Variants in CFAP54 observed in about 807,000 individuals in gnomAD.
CFAP54 encodes the protein cilia and flagella associated protein 54.
Under a neutral mutation model 370.4 loss-of-function variants are expected in CFAP54, and 290 were observed. That is an observed-to-expected ratio of 0.78 (90% CI 0.71 to 0.86). The LOEUF (loss-of-function observed/expected upper bound fraction) is 0.86, where lower values mean the gene tolerates loss of function less well. CFAP54 is among the 40% of genes least tolerant of loss of function. CFAP54 has a pLI of 0.00. For missense variants in CFAP54, 3,399 were observed against 3,528.7 expected (o/e 0.96, Z 0.93); for synonymous variants, 1,206 against 1,236.5 (o/e 0.98, Z 0.52).
At chr12:96,582,154 A>G (rs1956038630) in intron 22 of CFAP54, among the ~76,000 whole-genome samples, 1 of 152,172 alleles carries the variant, frequency 6.6e-6, no homozygotes, top group Non-Finnish European at 1.5e-5. Context: ...CAGAGGTATT[A>G]TGAGTATTAA....
intron 45 of CFAP54, among the ~76,000 whole-genome samples, chr12:96,697,579 T>A (rs1475787193): frequency 2.6e-5 from 4 of 152,212 alleles, no homozygotes; most frequent in Non-Finnish European, 5.9e-5. Context: ...ACCTTTTTAT[T>A]TCTTTAAAAT....
At chr12:96,521,253 T>G (rs1180337245) in intron 6 of CFAP54, among the ~76,000 whole-genome samples, 3 of 152,206 alleles carry the variant, frequency 2.0e-5, no homozygotes, top group African/African-American at 7.2e-5. Flanking sequence ...GTTATTGAGT[T>G]CTTAATAACT....
At chr12:96,625,584 G>T in intron 28 of CFAP54, 134 bp from the exon 29 acceptor site, 3 of 500,694 alleles carry the variant, frequency 6.0e-6, no homozygotes, top group Non-Finnish European at 6.9e-6. Context: ...CTATTTTAAG[G>T]CACATAATTT....
intron 39 of CFAP54, among the ~76,000 whole-genome samples, chr12:96,667,053 A>C (rs1262055063): frequency 6.6e-6 from 1 of 152,242 alleles, no homozygotes; most frequent in African/African-American, 2.4e-5. Context: ...ATTAAACCTT[A>C]AAGTTCCAAA....
intron 60 of CFAP54, among the ~76,000 whole-genome samples, chr12:96,768,941 T>C (rs1227240530): frequency 1.3e-5 from 2 of 152,142 alleles, no homozygotes; most frequent in Non-Finnish European, 2.9e-5. Flanking sequence ...GGACTAGTCA[T>C]GTGTGGAGAG....
intron 45 of CFAP54, among the ~76,000 whole-genome samples, chr12:96,696,573 TG>T (rs2136571671): frequency 6.6e-6 from 1 of 152,264 alleles, no homozygotes; most frequent in East Asian, 1.9e-4. Context: ...GACTCAATTC[TG>T]GAGAACTGGG....
intron 50 of CFAP54, among the ~76,000 whole-genome samples, chr12:96,723,185 A>G (rs1957779856): frequency 6.6e-6 from 1 of 152,256 alleles, no homozygotes; most frequent in East Asian, 1.9e-4. Flanking sequence ...CAATAAAAAT[A>G]CAATGATAAG....
intron 63 of CFAP54, among the ~76,000 whole-genome samples, chr12:96,807,575 A>C (rs1469580582): frequency 6.6e-6 from 1 of 152,188 alleles, no homozygotes; most frequent in Non-Finnish European, 1.5e-5. Context: ...AGAAGTGAGT[A>C]AGGGAGCATT....
intron 67 of CFAP54, among the ~76,000 whole-genome samples, chr12:96,872,008 C>T (rs1960182645): frequency 6.6e-6 from 1 of 151,692 alleles, no homozygotes; most frequent in African/African-American, 2.4e-5. Context: ...AGGAAAGAGT[C>T]CTTTGAAAAA....
chr12:96,695,960 C>T (rs1270365276), intron 45 of CFAP54, among the ~76,000 whole-genome samples: 1 of 152,158 alleles, frequency 6.6e-6, no homozygotes, highest in Non-Finnish European at 1.5e-5. Context: ...AATGTTGGTA[C>T]CTGCCACTCG....
chr12:96,569,259 T>G (rs1955889670), intron 19 of CFAP54, among the ~76,000 whole-genome samples: 1 of 152,188 alleles, frequency 6.6e-6, no homozygotes, highest in Non-Finnish European at 1.5e-5. Context: ...TTTTGAGAAT[T>G]TCTTTTTCCG....
At chr12:96,739,854 C>T (rs771309558) in intron 50 of CFAP54, 102 bp from the exon 51 acceptor site, 1 of 688,158 alleles carries the variant, frequency 1.5e-6, no homozygotes, top group Non-Finnish European at 2.4e-6. Context: ...GGGTTGTTGG[C>T]TGGGGTGTGA....
intron 19 of CFAP54, among the ~76,000 whole-genome samples, chr12:96,571,356 A>G (rs1390949426): frequency 1.3e-5 from 2 of 152,204 alleles, no homozygotes; most frequent in Non-Finnish European, 2.9e-5. Context: ...ACCACCATTG[A>G]AAGAACACCT....
chr12:96,833,488 A>G (rs1233269647), intron 66 of CFAP54, among the ~76,000 whole-genome samples: 2 of 147,762 alleles, frequency 1.4e-5, no homozygotes, highest in Admixed American at 1.4e-4. Context: ...AAATTTGCCT[A>G]ATCAATTACA....
In CFAP54 at chr12:96,704,756, T is replaced by G; in HGVS notation, c.6488T>G (p.Phe2163Cys). The G allele has an allele frequency of 1.6e-6, 2 of 1,229,762 alleles. No homozygotes were observed. Among genetic ancestry groups the G allele is most frequent in the East Asian group, 5.8e-5 (2 of 34,216 alleles). 76.2% of individuals were successfully genotyped at this position (1,229,762 alleles called of 1,614,324 possible). A position where few individuals can be genotyped will look rare whatever the true frequency, so the allele number is the denominator to read the frequency against. Residue 2163 changes from phenylalanine to cysteine, a missense_variant, in exon 47 of 68, where the codon TTT becomes TGT. Around this residue, in one of 3 missense-constraint regions of CFAP54, gnomAD observed 2,796 missense variants for 2,869.7 expected, o/e 0.97. Coordinates refer to ENST00000524981, the MANE Select transcript of CFAP54 (RefSeq NM_001306084.2). ...GTATTTTGACAGATCTTTCAATCAT[T>G]TGACTCAGGAAAACTTCTTACCAGT... ...ATGKMKIFQSFDSGKLLTSKE... is the reference protein window; with the variant it reads ...ATGKMKIFQSCDSGKLLTSKE...
At chr12:96,776,981 G>A (rs917884707) in intron 60 of CFAP54, among the ~76,000 whole-genome samples, 2 of 152,054 alleles carry the variant, frequency 1.3e-5, no homozygotes, top group Non-Finnish European at 2.9e-5. Flanking sequence ...ATTCTAAATC[G>A]TTACTTCAAA....
At chr12:96,826,571 T>C (rs1959108046) in intron 65 of CFAP54, among the ~76,000 whole-genome samples, 1 of 108,522 alleles carries the variant, frequency 9.2e-6, no homozygotes, top group African/African-American at 3.9e-5. Context: ...TAATATATAA[T>C]ATAGATTATA....
intron 65 of CFAP54, among the ~76,000 whole-genome samples, chr12:96,820,078 C>T (rs575104636): frequency 1.3e-5 from 2 of 152,248 alleles, no homozygotes; most frequent in South Asian, 4.1e-4. Context: ...ACAGAGAGAG[C>T]CCTTAGGAGC....
At chr12:96,655,975 T>A (rs2136510339) in intron 36 of CFAP54, among the ~76,000 whole-genome samples, 1 of 152,278 alleles carries the variant, frequency 6.6e-6, no homozygotes, top group Admixed American at 6.5e-5. Context: ...ATTAATATAA[T>A]TTTGGGGATA....
Sources: allele counts gnomAD v4.1 joint callset (sites outside exome capture counted in the v4.1 genomes callset), GRCh38; gene constraint gnomAD v4.1.1; regional missense constraint gnomAD v4.1.1; transcripts MANE v1.5; gene names NCBI Gene and HGNC (gene_info 2026-07-23, HGNC 2026-07-21).